NHSL1: variants seen among roughly 807,000 people sequenced by gnomAD.
The protein encoded by NHSL1 is NHS-like protein 1.
A neutral mutation model predicts 95.0 loss-of-function variants in NHSL1; 48 were observed. That is an observed-to-expected ratio of 0.51 (90% CI 0.40 to 0.64). NHSL1 has a LOEUF of 0.64. Among genes scored for constraint, NHSL1 ranks in the 30% least tolerant of loss-of-function variants. The pLI, the probability that NHSL1 is intolerant of heterozygous loss-of-function variation, is 0.00. For missense variants in NHSL1, 1,971 were observed against 2,077.7 expected (o/e 0.95, Z 1.00); for synonymous variants, 783 against 833.9 (o/e 0.94, Z 1.05).
In NHSL1 at chr6:138,437,375, CATAT is replaced by C. The variant is rs377602478; in HGVS notation, c.665-3699_665-3696del. 2.4e-3 allele frequency among the ~76,000 whole-genome samples: 88 copies of C among 36,190 alleles called. 6 individuals carry two copies. The South Asian group carries it at 0.026, about 11-fold the overall frequency. The allele number at this position is 36,190 out of a possible 152,430, so 23.7% of individuals were successfully genotyped here. A position where few individuals can be genotyped will look rare whatever the true frequency, so the allele number is the denominator to read the frequency against. On this transcript the variant is annotated intron_variant, in intron 5 of 7. Coordinates refer to ENST00000343505, the MANE Select transcript of NHSL1 (RefSeq NM_001144060.2). Reference sequence around the variant, plus strand: ...ATATATACACATATATATATATACACATATATATATACACATATATATATATATA... The same window carrying C: ...ATATATACACATATATATATATACACATATATACACATATATATATATATA...
upstream of NHSL1, among the ~76,000 whole-genome samples, chr6:138,501,756 C>A (rs1484533946): frequency 1.3e-5 from 2 of 152,282 alleles, no homozygotes; most frequent in South Asian, 4.1e-4. Flanking sequence ...TTCCAGGATG[C>A]CCCTTGGATA....
chr6:138,523,626 G>GTTAAA (rs1781773441), intron 1 of NHSL1, among the ~76,000 whole-genome samples: 1 of 43,126 alleles, frequency 2.3e-5, no homozygotes, highest in Non-Finnish European at 5.0e-5. Flanking sequence ...GTTTTAAAGA[G>GTTAAA]GAAAAAAAAA....
chr6:138,660,508 G>C (rs928104645), intron 1 of NHSL1, among the ~76,000 whole-genome samples: 22 of 152,130 alleles, frequency 1.4e-4, no homozygotes, highest in African/African-American at 5.1e-4. Flanking sequence ...TTTAACAGCA[G>C]TAAAGAGAGA....
chr6:138,456,871 A>C (rs1468650445), intron 3 of NHSL1, among the ~76,000 whole-genome samples: 1 of 151,344 alleles, frequency 6.6e-6, no homozygotes, highest in Admixed American at 6.6e-5. Flanking sequence ...ATTTTCTGGA[A>C]TTTCTTTCTT....
At chr6:138,473,828 T>C (rs1205113411) in intron 2 of NHSL1, among the ~76,000 whole-genome samples, 2 of 151,212 alleles carry the variant, frequency 1.3e-5, no homozygotes, top group African/African-American at 2.4e-5. Context: ...GATTATGTGA[T>C]GATATTATTC....
chr6:138,424,520 G>A lies in NHSL1; in HGVS notation c.4382C>T (p.Pro1461Leu). The change falls in exon 8 of 8, where the codon CCC becomes CTC. Residue 1461 changes from proline (P) to leucine (L), a missense_variant. Coordinates refer to ENST00000343505, the MANE Select transcript of NHSL1 (RefSeq NM_001144060.2). The surrounding 1 kb of genome is among the most constrained non-coding windows in gnomAD (Gnocchi z 5.9). The stretch of plus-strand genomic sequence containing the variant: ...TGGGGAGCAGCTTGACGGGCTCTCG[G>A]GGGCATCTGGGGAAGGCTCTGACCT... ...RSRSEPSPDAPESPSSCSPSK... is the reference protein window; with the variant it reads ...RSRSEPSPDALESPSSCSPSK... The A allele has an allele frequency of 6.4e-7, 1 of 1,551,668 alleles. No homozygotes were observed. The highest frequency in any genetic ancestry group is 8.7e-7 in the Non-Finnish European group (1 of 1,146,980).
At chr6:138,637,659 A>C (rs540219656) in intron 1 of NHSL1, among the ~76,000 whole-genome samples, 9 of 152,332 alleles carry the variant, frequency 5.9e-5, no homozygotes, top group South Asian at 2.1e-4. Flanking sequence ...AGAGAACACC[A>C]ATCAATACTA....
intron 1 of NHSL1, among the ~76,000 whole-genome samples, chr6:138,523,479 T>A (rs371877675): frequency 1.3e-5 from 2 of 151,964 alleles, no homozygotes; most frequent in East Asian, 3.9e-4. Context: ...AGCTAACTGT[T>A]TAAACTTTTT....
chr6:138,511,399 A>AGT (rs1257125651), intron 1 of NHSL1, among the ~76,000 whole-genome samples: 34 of 145,288 alleles, frequency 2.3e-4, no homozygotes, highest in Admixed American at 9.0e-4. Context: ...AGAGAGAGAG[A>AGT]GTGTGTGTGT....
chr6:138,650,810 T>G, intron 1 of NHSL1: 1 of 542,244 alleles, frequency 1.8e-6, no homozygotes, highest in Non-Finnish European at 3.8e-6. Context: ...AGATCTCATC[T>G]ACAGGGAAAG....
At chr6:138,641,370 G>A (rs1784957135) in intron 1 of NHSL1, among the ~76,000 whole-genome samples, 1 of 152,164 alleles carries the variant, frequency 6.6e-6, no homozygotes. Context: ...AGGCAGAGAA[G>A]ATGAAGAACC....
intron 1 of NHSL1, among the ~76,000 whole-genome samples, chr6:138,655,504 G>T (rs909498467): frequency 3.3e-5 from 5 of 152,174 alleles, no homozygotes; most frequent in Non-Finnish European, 7.3e-5. Context: ...GCTGTGGAAT[G>T]ATGTTTTAAA....
chr6:138,451,440 T>C (rs1039608426), intron 3 of NHSL1, among the ~76,000 whole-genome samples: 3 of 152,246 alleles, frequency 2.0e-5, no homozygotes, highest in African/African-American at 7.2e-5. Flanking sequence ...TTCTCTTTAG[T>C]ACATATAACT....
At chr6:138,569,270 T>A (rs61151935) in intron 1 of NHSL1, among the ~76,000 whole-genome samples, 5,782 of 149,576 alleles carry the variant, frequency 0.039, 307 homozygotes, top group African/African-American at 0.13. Flanking sequence ...TGTGTGTGTG[T>A]GAGAGAGAGA....
intron 1 of NHSL1, among the ~76,000 whole-genome samples, chr6:138,630,778 T>G (rs1405459839): frequency 6.6e-6 from 1 of 152,186 alleles, no homozygotes; most frequent in Non-Finnish European, 1.5e-5. Context: ...TAAATATGCT[T>G]GAGCTAAGAA....
rs547939429 is a variant in NHSL1, at chr6:138,600,402, A to G, written c.96+92074T>C. On this transcript the variant is annotated intron_variant, in intron 1 of 3. Coordinates refer to the NHSL1 transcript ENST00000491526. Reference sequence around the variant, plus strand: ...GCATGAGCCTGGCAACCTTCCTTCAATTTGAACTAGCAATGCCTACTGCAA... The same window carrying G: ...GCATGAGCCTGGCAACCTTCCTTCAGTTTGAACTAGCAATGCCTACTGCAA... Among the ~76,000 whole-genome samples the G allele has an allele frequency of 8.5e-5, 13 of 152,240 alleles. 1 individual carries two copies. In the South Asian group the frequency reaches 1.7e-3, roughly 19 times the overall value.
intron 1 of NHSL1, among the ~76,000 whole-genome samples, chr6:138,568,598 C>T (rs993936279): frequency 1.3e-5 from 2 of 152,114 alleles, no homozygotes; most frequent in South Asian, 2.1e-4. Context: ...TGAGTATAAA[C>T]GGGGATGGGA....
At chr6:138,429,130 A>G (rs570552903) in intron 7 of NHSL1, among the ~76,000 whole-genome samples, 45 of 152,196 alleles carry the variant, frequency 3.0e-4, no homozygotes, top group Non-Finnish European at 5.6e-4. Flanking sequence ...TTTAAACCCA[A>G]CGATTTCTGA....
At position 138,432,977 on chromosome 6, in the gene NHSL1, G is replaced by T. The variant is rs1289966174; in HGVS notation, c.1368C>A (p.Ser456=). ...ARIKSRDHLI[S]RHAVKGDPQS... ...GAGGATCACCTTTCACAGCATGCCTGGAGATGAGGTGGTCTCTGGATTTTA... is the reference window on the plus strand; with the variant it reads ...GAGGATCACCTTTCACAGCATGCCTTGAGATGAGGTGGTCTCTGGATTTTA... Residue 456 remains serine, a synonymous_variant, in exon 6 of 8, where the codon TCC becomes TCA. Transcript: ENST00000343505. This position sits in a 1 kb window ranked among gnomAD's most constrained non-coding sequence, Gnocchi z 4.4. 5.2e-6 allele frequency: 8 copies of T among 1,551,220 alleles called. No homozygotes were observed. The Admixed American group carries it at 1.4e-4, about 27-fold the overall frequency.
Sources: allele counts gnomAD v4.1 joint callset (sites outside exome capture counted in the v4.1 genomes callset), GRCh38; gene constraint gnomAD v4.1.1; non-coding constraint Gnocchi (gnomAD v3.1); transcripts MANE v1.5; gene names NCBI Gene and HGNC (gene_info 2026-07-23, HGNC 2026-07-21).